GRIK3: variants seen among roughly 807,000 people sequenced by gnomAD.
GRIK3 encodes glutamate ionotropic receptor kainate type subunit 3, also known as glutamate receptor ionotropic, kainate 3.
GRIK3 carries 29 observed loss-of-function variants against 102.5 expected under a neutral mutation model. That is an observed-to-expected ratio of 0.28 (90% CI 0.21 to 0.39). The LOEUF (loss-of-function observed/expected upper bound fraction) is 0.39. GRIK3 is among the 10% of genes least tolerant of loss of function. The probability of loss-of-function intolerance (pLI) is 1.00; values close to 1 mark genes in which losing one functional copy is unlikely to be tolerated. For missense variants in GRIK3, 908 were observed against 1,252.4 expected (o/e 0.73, Z 4.15); for synonymous variants, 511 against 504.9 (o/e 1.01, Z -0.16).
intron 1 of GRIK3, among the ~76,000 whole-genome samples, chr1:37,013,715 C>G (rs577727429): frequency 1.3e-5 from 2 of 152,310 alleles, no homozygotes; most frequent in East Asian, 3.9e-4. Context: ...AGGGGTGTCA[C>G]TCACCAAGAG....
intron 7 of GRIK3, among the ~76,000 whole-genome samples, chr1:36,854,265 G>A (rs1246237644): frequency 2.0e-5 from 3 of 152,168 alleles, no homozygotes; most frequent in East Asian, 3.8e-4. Flanking sequence ...GCGACCTTGG[G>A]TATTTCATTT....
chr1:37,031,472 C>T (rs571089211), intron 1 of GRIK3, among the ~76,000 whole-genome samples: 1 of 152,348 alleles, frequency 6.6e-6, no homozygotes, highest in Non-Finnish European at 1.5e-5. Context: ...ATTTCAGCCC[C>T]CAAAAGAGGC....
chr1:36,996,935 G>T (rs1358112057), intron 1 of GRIK3, among the ~76,000 whole-genome samples: 1 of 152,216 alleles, frequency 6.6e-6, no homozygotes, highest in African/African-American at 2.4e-5. Flanking sequence ...GTGGGGGAGG[G>T]TGCTACTGGC....
At chr1:36,953,643 G>A (rs1315465090) in intron 1 of GRIK3, among the ~76,000 whole-genome samples, 2 of 152,016 alleles carry the variant, frequency 1.3e-5, no homozygotes, top group African/African-American at 2.4e-5. Context: ...ACCAGGCAGG[G>A]GAAAGGAAAG....
At position 36,799,030 on chromosome 1, in the gene GRIK3, C is replaced by T. The variant is rs1453765012; in HGVS notation, c.*2821G>A. ...GTGAGACAAGAGCAAGAATGAGGCA[C>T]GTGCTCTGAAACTATACTGGACAAA... On this transcript the variant is annotated 3_prime_UTR_variant, in exon 16 of 16. Coordinates refer to ENST00000373091, the MANE Select transcript of GRIK3 (RefSeq NM_000831.4). 4.6e-5 allele frequency: 7 copies of T among 152,240 alleles called. No individual in the cohort carries two copies. The highest frequency in any genetic ancestry group is 1.4e-4 in the African/African-American group (6 of 41,458). 9.4% of individuals were successfully genotyped at this position (152,240 alleles called of 1,614,324 possible).
chr1:36,940,675 G>C (rs1178381414), intron 1 of GRIK3, among the ~76,000 whole-genome samples: 1 of 152,206 alleles, frequency 6.6e-6, no homozygotes, highest in Non-Finnish European at 1.5e-5. Context: ...AGAGGAGAAG[G>C]TATCCCCTTA....
At chr1:36,903,393 C>T (rs1057415991) in intron 1 of GRIK3, among the ~76,000 whole-genome samples, 2 of 152,236 alleles carry the variant, frequency 1.3e-5, no homozygotes, top group East Asian at 3.8e-4. Flanking sequence ...AGTACAGCCA[C>T]TTTGAAAGAA....
At chr1:37,026,541 C>G (rs545010942) in intron 1 of GRIK3, among the ~76,000 whole-genome samples, 1 of 152,214 alleles carries the variant, frequency 6.6e-6, no homozygotes, top group Non-Finnish European at 1.5e-5. Context: ...TATTAAGCAT[C>G]GGGCACTATG....
intron 1 of GRIK3, among the ~76,000 whole-genome samples, chr1:36,966,188 T>A (rs561162345): frequency 1.6e-4 from 24 of 152,326 alleles, no homozygotes; most frequent in Admixed American, 1.6e-3. Context: ...TTATCTGTTA[T>A]CCTGAGGGTT....
chr1:36,996,091 T>C (rs1642416626), intron 1 of GRIK3, among the ~76,000 whole-genome samples: 1 of 152,224 alleles, frequency 6.6e-6, no homozygotes, highest in Non-Finnish European at 1.5e-5. Context: ...CACCATCCAC[T>C]TCTTCCACGT....
intron 10 of GRIK3, among the ~76,000 whole-genome samples, chr1:36,838,285 C>T (rs974579488): frequency 1.3e-5 from 2 of 152,188 alleles, no homozygotes; most frequent in African/African-American, 4.8e-5. Context: ...CTGAAATGTG[C>T]TAGACTCAGA....
At position 36,872,577 on chromosome 1, in the gene GRIK3, G is replaced by A. The variant is rs569526506; in HGVS notation, c.551-208C>T. Among the ~76,000 whole-genome samples the A allele has an allele frequency of 2.6e-5, 4 of 152,268 alleles. No homozygotes were observed. The highest frequency in any genetic ancestry group is 2.1e-4 in the South Asian group (1 of 4,824). ...TGCACATACAAACACATGGCTACAC[G>A]CACGTGCATGTCAATATGGGCAGGA... is the stretch of plus-strand genomic sequence containing the variant. On this transcript the variant is annotated intron_variant, in intron 3 of 15. Transcript: ENST00000373091. The surrounding 1 kb of genome is among the most constrained non-coding windows in gnomAD (Gnocchi z 5.9).
intron 1 of GRIK3, among the ~76,000 whole-genome samples, chr1:36,961,976 G>T (rs1642015754): frequency 1.3e-5 from 2 of 152,192 alleles, no homozygotes; most frequent in Non-Finnish European, 2.9e-5. Context: ...AAGAGCCAGA[G>T]TCCAGGGTGC....
intron 7 of GRIK3, among the ~76,000 whole-genome samples, chr1:36,855,043 G>T (rs998757574): frequency 6.6e-6 from 1 of 152,214 alleles, no homozygotes; most frequent in Admixed American, 6.5e-5. Flanking sequence ...TGTGTCAGGG[G>T]CAAGAACAAG....
chr1:36,830,929 T>C (rs1570748714), intron 10 of GRIK3, among the ~76,000 whole-genome samples: 1 of 151,648 alleles, frequency 6.6e-6, no homozygotes, highest in African/African-American at 2.4e-5. Context: ...CACCAGGGAC[T>C]GCCGGCCACA....
In GRIK3 at chr1:36,850,275, C is replaced by T. The variant is rs374320503; in HGVS notation, c.1326+36G>A. 673 of 1,367,466 alleles carry T rather than the reference C, an allele frequency of 4.9e-4. No homozygotes were observed. The highest frequency in any genetic ancestry group is 6.5e-4 in the Non-Finnish European group (621 of 954,846). The allele number at this position is 1,367,466 out of a possible 1,614,324, so 84.7% of individuals were successfully genotyped here. On this transcript the variant is annotated intron_variant, in intron 9 of 15. Coordinates refer to ENST00000373091, the MANE Select transcript of GRIK3 (RefSeq NM_000831.4). The surrounding 1 kb of genome is among the most constrained non-coding windows in gnomAD (Gnocchi z 4.0). ...CCGAACGGCCACCCCACCCCCAGGT[C>T]GGACAGTCCTTCCTGCAGGGGCTGC...
At chr1:36,917,450 T>C (rs1254468422) in intron 1 of GRIK3, among the ~76,000 whole-genome samples, 1 of 152,198 alleles carries the variant, frequency 6.6e-6, no homozygotes, top group Non-Finnish European at 1.5e-5. Flanking sequence ...GGTGGCATGA[T>C]ATGGTTTGGC....
chr1:36,940,360 T>C (rs1374441608), intron 1 of GRIK3, among the ~76,000 whole-genome samples: 1 of 152,244 alleles, frequency 6.6e-6, no homozygotes, highest in African/African-American at 2.4e-5. Flanking sequence ...TCTGCCTTTG[T>C]CTCTATTGCA....
Position 37,034,359 on chromosome 1 carries a change from G to A in GRIK3, c.-251C>T, listed in dbSNP as rs1341594600. Among the ~76,000 whole-genome samples, 1 of 150,470 alleles carries A rather than the reference G, an allele frequency of 6.6e-6. No homozygotes were observed. Among genetic ancestry groups the A allele is most frequent in the Non-Finnish European group, 1.5e-5 (1 of 67,488 alleles). On this transcript the variant is annotated 5_prime_UTR_variant, in exon 1 of 16. Transcript: ENST00000373091. ...GAGCGAGGCTCCTGGGCTCCGCCCG[G>A]ACTCCGCTCGGACTCGGCTCCGGCT...
Sources: gnomAD v4.1 joint callset for allele counts (sites outside exome capture counted in the v4.1 genomes callset) on GRCh38, gnomAD v4.1.1 for gene constraint, Gnocchi (gnomAD v3.1) non-coding constraint, MANE v1.5 for transcripts, NCBI Gene and HGNC (gene_info 2026-07-23, HGNC 2026-07-21) for gene names.